LCT: variants seen among roughly 807,000 people sequenced by gnomAD.
LCT encodes the protein lactase, also known as lactase/phlorizin hydrolase.
Under a neutral mutation model 173.0 loss-of-function variants are expected in LCT, and 90 were observed. That is an observed-to-expected ratio of 0.52 (90% CI 0.44 to 0.62). The LOEUF (loss-of-function observed/expected upper bound fraction) is 0.62, where lower values mean the gene tolerates loss of function less well. Ranked by LOEUF, LCT falls within the 20% of genes least tolerant of loss-of-function variation. LCT has a pLI of 0.00. For synonymous variants in LCT, 853 were observed against 957.6 expected (o/e 0.89, Z 2.02); for missense variants, 1,864 against 2,431.4 (o/e 0.77, Z 4.91).
chr2:135,813,225 C>T (rs1338558873), intron 6 of LCT, among the ~76,000 whole-genome samples: 2 of 152,006 alleles, frequency 1.3e-5, no homozygotes, highest in East Asian at 2.0e-4. Context: ...AAGACTGATA[C>T]TAACAATGTC....
intron 7 of LCT, among the ~76,000 whole-genome samples, chr2:135,811,506 G>C (rs1362831594): frequency 6.6e-6 from 1 of 152,048 alleles, no homozygotes; most frequent in Non-Finnish European, 1.5e-5. Flanking sequence ...GGATCAATTG[G>C]ATCAAAATCA....
intron 7 of LCT, among the ~76,000 whole-genome samples, chr2:135,810,624 T>C (rs1027816639): frequency 6.6e-6 from 1 of 152,208 alleles, no homozygotes; most frequent in African/African-American, 2.4e-5. Context: ...CTTTTGCTTT[T>C]CCTTGTTTAT....
chr2:135,789,262 C>T (rs2077515811), intron 16 of LCT, among the ~76,000 whole-genome samples: 1 of 152,176 alleles, frequency 6.6e-6, no homozygotes, highest in South Asian at 2.1e-4. Context: ...TATAACTGCC[C>T]TGAAGCATGT....
intron 11 of LCT, 87 bp from the exon 12 acceptor site, chr2:135,800,896 T>C (rs1575334569): frequency 9.5e-7 from 1 of 1,054,384 alleles, no homozygotes; most frequent in Admixed American, 1.9e-5. Flanking sequence ...ATGTCCCCTC[T>C]GTGTTTGGGA....
At chr2:135,831,992 G>A (rs2077944861) in intron 2 of LCT, among the ~76,000 whole-genome samples, 1 of 152,130 alleles carries the variant, frequency 6.6e-6, no homozygotes, top group Non-Finnish European at 1.5e-5. Context: ...CGAGGCAGGT[G>A]GATTACCTGA....
chr2:135,808,675 G>T lies in LCT; in HGVS notation c.3672C>A (p.Pro1224=), dbSNP rs764535080. ...VQHKTPRLNP[P]SYEDDQEMAE... is the part of the protein sequence containing the mutation. The stretch of plus-strand genomic sequence containing the variant: ...CCATCTCCTGGTCGTCTTCGTAGGA[G>T]GGTGGGTTTAGCCTGGGTGTTTTGT... Residue 1224 remains proline, a synonymous_variant, in exon 8 of 17, where the codon CCC becomes CCA. Coordinates refer to ENST00000264162, the MANE Select transcript of LCT (RefSeq NM_002299.4). The T allele has an allele frequency of 1.3e-5, 21 of 1,614,106 alleles. No homozygotes were observed. The highest frequency in any genetic ancestry group is 3.3e-5 in the Admixed American group (2 of 60,010).
At chr2:135,825,829 C>A (rs570238293) in intron 3 of LCT, among the ~76,000 whole-genome samples, 127 of 152,300 alleles carry the variant, frequency 8.3e-4, no homozygotes, top group Admixed American at 4.3e-3. Flanking sequence ...TCTTCCCTCG[C>A]AGCCCACAGG....
Position 135,812,648 on chromosome 2 carries a change from C to G in LCT, c.2016G>C (p.Gln672His). 6.2e-7 allele frequency: 1 copy of G among 1,611,972 alleles called. No individual in the cohort carries two copies. The highest frequency in any genetic ancestry group is 8.5e-7 in the Non-Finnish European group (1 of 1,178,082). ...GAAAATCAGCAGAGCCTTTCAGGAGCTGCTTCTCTGCCTCTGTGAACTCGG... is the reference window on the plus strand; with the variant it reads ...GAAAATCAGCAGAGCCTTTCAGGAGGTGCTTCTCTGCCTCTGTGAACTCGG... Reference protein sequence around the residue: ...QLPEFTEAEKQLLKGSADFLG... With the variant: ...QLPEFTEAEKHLLKGSADFLG... Residue 672 changes from glutamine to histidine, a missense_variant, in exon 7 of 17, where the codon CAG (glutamine) becomes CAC (histidine). Gln to His is a conservative substitution (Grantham distance 24, BLOSUM62 0). Transcript: ENST00000264162.
At chr2:135,814,764 C>T (rs927885148) in intron 6 of LCT, among the ~76,000 whole-genome samples, 2 of 152,140 alleles carry the variant, frequency 1.3e-5, no homozygotes, top group African/African-American at 4.8e-5. Context: ...ATCCGCCCGC[C>T]TCGGCCTCCC....
chr2:135,789,350 G>A (rs7574852), intron 16 of LCT, among the ~76,000 whole-genome samples: 1 of 152,196 alleles, frequency 6.6e-6, no homozygotes, highest in Admixed American at 6.5e-5. Flanking sequence ...TTATTCCCAG[G>A]TCAGGGCTCT....
chr2:135,833,977 T>C (rs965915633), intron 1 of LCT, among the ~76,000 whole-genome samples: 3 of 152,310 alleles, frequency 2.0e-5, no homozygotes, highest in Admixed American at 6.5e-5. Flanking sequence ...GTTTGTCTTT[T>C]TGTGTCTGGC....
Position 135,810,063 on chromosome 2 carries a change from A to G in LCT, c.2354-70T>C, listed in dbSNP as rs6430591. ...TTTAATTGAGATGGGGTCTCACTGTATTGCCCAGGCTGGTCTCAAACTCCT... is the reference window on the plus strand; with the variant it reads ...TTTAATTGAGATGGGGTCTCACTGTGTTGCCCAGGCTGGTCTCAAACTCCT... On this transcript the variant is annotated intron_variant, in intron 7 of 16. Coordinates refer to ENST00000264162, the MANE Select transcript of LCT (RefSeq NM_002299.4). The G allele has an allele frequency of 1, 1,149,262 of 1,154,212 alleles. 572,302 individuals are homozygous for G. The highest frequency in any genetic ancestry group is 1 in the East Asian group (39,181 of 39,182). The allele number at this position is 1,154,212 out of a possible 1,614,324, so 71.5% of individuals were successfully genotyped here. A position where few individuals can be genotyped will look rare whatever the true frequency, so the allele number is the denominator to read the frequency against.
chr2:135,830,497 C>T (rs2077928655), intron 2 of LCT, among the ~76,000 whole-genome samples: 1 of 152,216 alleles, frequency 6.6e-6, no homozygotes, highest in African/African-American at 2.4e-5. Flanking sequence ...AAGACAAGGA[C>T]TAATGGTTAC....
intron 3 of LCT, among the ~76,000 whole-genome samples, chr2:135,824,205 C>T (rs115515537): frequency 0.017 from 2,564 of 152,226 alleles, 62 homozygotes; most frequent in African/African-American, 0.058. Flanking sequence ...TCTACCCTCC[C>T]CACCAACCCC....
chr2:135,794,049 G>T (rs866635792), intron 14 of LCT, among the ~76,000 whole-genome samples: 19 of 151,926 alleles, frequency 1.3e-4, no homozygotes, highest in Admixed American at 3.3e-4. Flanking sequence ...TGAGGCAGGG[G>T]AATCACTGGA....
chr2:135,828,054 C>A (rs1174021790), intron 3 of LCT, among the ~76,000 whole-genome samples: 1 of 152,088 alleles, frequency 6.6e-6, no homozygotes, highest in Non-Finnish European at 1.5e-5. Context: ...GAGATGGAGT[C>A]TCGCTCTGTC....
chr2:135,825,325 C>A (rs2077879617), intron 3 of LCT, among the ~76,000 whole-genome samples: 1 of 152,196 alleles, frequency 6.6e-6, no homozygotes. Context: ...GCTCGAGAGG[C>A]CGAGCGGGTT....
chr2:135,797,786 T>TG (rs1364867410), intron 13 of LCT, among the ~76,000 whole-genome samples: 2 of 152,188 alleles, frequency 1.3e-5, no homozygotes, highest in African/African-American at 4.8e-5. Context: ...AGTGGCATAG[T>TG]GGGGTTGCTC....
rs1480366343 is a variant in LCT, at chr2:135,808,617, C to T, written c.3730G>A (p.Ala1244Thr). The change falls in exon 8 of 17, where the codon GCA becomes ACA. Residue 1244 changes from alanine (A) to threonine (T), a missense_variant. Transcript: ENST00000264162. ...EEEDPSWPSTAMNRAAPWGTR... is the reference protein window; with the variant it reads ...EEEDPSWPSTTMNRAAPWGTR... ...CCCCAGGGCGCAGCTCTGTTCATTG[C>T]CGTGGAAGGCCACGAAGGGTCCTCC... 6.2e-7 allele frequency: 1 copy of T among 1,614,214 alleles called. No individual in the cohort carries two copies. Among genetic ancestry groups the T allele is most frequent in the Non-Finnish European group, 8.5e-7 (1 of 1,180,044 alleles).
Sources: gnomAD v4.1 joint callset for allele counts (sites outside exome capture counted in the v4.1 genomes callset) on GRCh38, gnomAD v4.1.1 for gene constraint, MANE v1.5 for transcripts, NCBI Gene and HGNC (gene_info 2026-07-23, HGNC 2026-07-21) for gene names.